GPSM1: variants seen among roughly 807,000 people sequenced by gnomAD.
The protein encoded by GPSM1 is G protein signaling modulator 1.
GPSM1 carries 48 observed loss-of-function variants against 70.5 expected under a neutral mutation model. The observed-to-expected ratio is 0.68, with a 90% CI of 0.54 to 0.87. The LOEUF (loss-of-function observed/expected upper bound fraction) is 0.87, where lower values mean the gene tolerates loss of function less well. Among genes scored for constraint, GPSM1 ranks in the 40% least tolerant of loss-of-function variants. The pLI is 0.00. For synonymous variants in GPSM1, 416 were observed against 430.1 expected, an observed-to-expected ratio of 0.97 and a Z score of 0.41; for missense variants, 981 against 972.6, an observed-to-expected ratio of 1.01 and a Z score of -0.11.
rs1554771619 is a variant in GPSM1, at chr9:136,348,711, A to C, written c.1222A>C (p.Arg408=). 1 of 1,611,826 alleles carries C rather than the reference A, an allele frequency of 6.2e-7. No individual in the cohort carries two copies. Among genetic ancestry groups the C allele is most frequent in the South Asian group, 1.1e-5 (1 of 90,920 alleles). Reference sequence around the variant, plus strand: ...TCTGTCTTCAGGGGCCAGACCCAAGAGGACGCAGAGGCTGAGCGCGGAGAC... The same window carrying C: ...TCTGTCTTCAGGGGCCAGACCCAAGCGGACGCAGAGGCTGAGCGCGGAGAC... ...GYEAQGARPK[R]TQRLSAETWD... is the part of the protein sequence containing the mutation. The change falls in exon 10 of 14, where the codon AGG becomes CGG. Residue 408 remains arginine, a synonymous_variant. Coordinates refer to ENST00000440944, the MANE Select transcript of GPSM1 (RefSeq NM_001145638.3).
Position 136,327,726 on chromosome 9 carries a change from G to A in GPSM1, c.31G>A (p.Glu11Lys). 1.7e-6 allele frequency: 2 copies of A among 1,185,822 alleles called. No homozygotes were observed. The highest frequency in any genetic ancestry group is 2.1e-6 in the Non-Finnish European group (2 of 959,776). The allele number at this position is 1,185,822 out of a possible 1,614,324, so 73.5% of individuals were successfully genotyped here. A position where few individuals can be genotyped will look rare whatever the true frequency, so the allele number is the denominator to read the frequency against. Residue 11 changes from glutamate (E) to lysine (K), a missense_variant, in exon 1 of 14, where the codon GAG (glutamate) becomes AAG (lysine). Glu to Lys is a moderately conservative substitution (Grantham distance 56). Transcript: ENST00000440944. The part of the protein sequence containing the change: MAGPAPPAAD[E>K]LPGPAARRLY... Reference sequence around the variant, plus strand: ...GGGCCCGGCCCCGCCCGCGGCCGACGAGCTCCCGGGCCCGGCCGCCAGGCG... The same window carrying A: ...GGGCCCGGCCCCGCCCGCGGCCGACAAGCTCCCGGGCCCGGCCGCCAGGCG...
In GPSM1 at chr9:136,337,546, C is replaced by T; in HGVS notation, c.684C>T (p.Ala228=). 6.4e-7 allele frequency: 1 copy of T among 1,557,628 alleles called. No individual in the cohort carries two copies. The highest frequency in any genetic ancestry group is 8.7e-7 in the Non-Finnish European group (1 of 1,150,774). The stretch of plus-strand genomic sequence containing the variant: ...ATTTGTTGGGGAACTTCACAGAGGC[C>T]ACGACCTTCCACAAGGAGGTGAGCC... ...THYLLGNFTE[A]TTFHKERLAI... is the part of the protein sequence containing the mutation. Residue 228 remains alanine, a synonymous_variant, in exon 5 of 14, where the codon GCC becomes GCT. Transcript: ENST00000440944.
intron 11 of GPSM1, among the ~76,000 whole-genome samples, chr9:136,354,003 TG>T (rs1221625153): frequency 1.3e-5 from 2 of 150,450 alleles, no homozygotes; most frequent in Non-Finnish European, 3.0e-5. Flanking sequence ...TCCGGGGGAG[TG>T]GGGGTGTTGC....
intron 6 of GPSM1, among the ~76,000 whole-genome samples, chr9:136,338,206 G>C (rs572052029): frequency 6.6e-6 from 1 of 152,244 alleles, no homozygotes; most frequent in East Asian, 1.9e-4. Context: ...ACAGAGCAGC[G>C]CCTGCCGGGT....
intron 13 of GPSM1, among the ~76,000 whole-genome samples, chr9:136,357,048 G>A (rs1358800054): frequency 3.3e-5 from 5 of 152,178 alleles, no homozygotes; most frequent in South Asian, 2.1e-4. Context: ...AGCCCCAGAG[G>A]GCAGAGCCAG....
In GPSM1 at chr9:136,340,843, C is replaced by T. The variant is rs1554770075; in HGVS notation, c.1084-27C>T. The T allele has an allele frequency of 6.5e-7, 1 of 1,544,092 alleles. No individual in the cohort carries two copies. The highest frequency in any genetic ancestry group is 8.7e-7 in the Non-Finnish European group (1 of 1,148,528). On this transcript the variant is annotated intron_variant, in intron 8 of 13. Coordinates refer to ENST00000440944, the MANE Select transcript of GPSM1 (RefSeq NM_001145638.3). The surrounding 1 kb of genome is among the most constrained non-coding windows in gnomAD (Gnocchi z 7.3). ...ACAGCAGGGCCCCCAGCCACACCTG[C>T]CCGCTCCGCCACCCCACTCGCCGCA...
rs1258431058 is a variant in GPSM1, at chr9:136,359,307, C to T, written c.*1087C>T. The T allele has an allele frequency of 6.6e-6, 1 of 152,214 alleles. No individual in the cohort carries two copies. Among genetic ancestry groups the T allele is most frequent in the Non-Finnish European group, 1.5e-5 (1 of 68,032 alleles). 9.4% of individuals were successfully genotyped at this position (152,214 alleles called of 1,614,324 possible). On this transcript the variant is annotated 3_prime_UTR_variant, in exon 14 of 14. Transcript: ENST00000440944. ...GGGCCCTACCATGGCCCCACAGCCC[C>T]CAGGGCTGGCAGTTCCATCTAGGAG...
intron 11 of GPSM1, 92 bp from the exon 12 acceptor site, chr9:136,355,598 A>G (rs1457013619): frequency 8.1e-7 from 1 of 1,235,836 alleles, no homozygotes; most frequent in East Asian, 2.4e-5. Context: ...CCAGGGTCTC[A>G]GAAGTGTGTG....
rs781964531 is a variant in GPSM1 at position 136,334,409 on chromosome 9, G to T, written c.69-38G>T. 64 of 1,550,692 alleles carry T rather than the reference G, an allele frequency of 4.1e-5. No homozygotes were observed. In the Middle Eastern group the frequency reaches 9.8e-4, roughly 24 times the overall value. ...GGTGCTCCGGCCCCGGGGCGACTTT[G>T]CCAGGGCTGGGCCATGACGCCAAGT... On this transcript the variant is annotated intron_variant, in intron 1 of 13. Coordinates refer to ENST00000440944, the MANE Select transcript of GPSM1 (RefSeq NM_001145638.3).
Position 136,356,570 on chromosome 9 carries a change from G to T in GPSM1, c.1821+20G>T. ...TACCAGGTGGGCTGCGGCCCTGGGC[G>T]GGCGTGGCTCGCGGCCCCTTTGCCA... On this transcript the variant is annotated intron_variant, in intron 13 of 13. Coordinates refer to ENST00000440944, the MANE Select transcript of GPSM1 (RefSeq NM_001145638.3). 6.3e-7 allele frequency: 1 copy of T among 1,579,052 alleles called. No homozygotes were observed. Among genetic ancestry groups the T allele is most frequent in the Non-Finnish European group, 8.7e-7 (1 of 1,154,290 alleles).
At chr9:136,339,906 G>A in intron 8 of GPSM1, 91 bp downstream of exon 8, 3 of 787,036 alleles carry the variant, frequency 3.8e-6, no homozygotes, top group Non-Finnish European at 6.4e-6. Flanking sequence ...GCGTGTGCGT[G>A]CCTGGGCCCC....
intron 13 of GPSM1, among the ~76,000 whole-genome samples, chr9:136,357,491 C>G (rs1364702701): frequency 6.6e-6 from 1 of 152,258 alleles, no homozygotes; most frequent in Non-Finnish European, 1.5e-5. Context: ...CCCTTGGCCC[C>G]CTGGCCTGCA....
intron 11 of GPSM1, among the ~76,000 whole-genome samples, chr9:136,353,393 C>G (rs1032970315): frequency 6.6e-6 from 1 of 152,136 alleles, no homozygotes; most frequent in African/African-American, 2.4e-5. Context: ...GGCGGAACCC[C>G]GAGTCCCACT....
intron 13 of GPSM1, among the ~76,000 whole-genome samples, chr9:136,357,302 C>T (rs1373202220): frequency 6.6e-6 from 1 of 152,184 alleles, no homozygotes; most frequent in African/African-American, 2.4e-5. Context: ...CAAGCCAGCA[C>T]GTTTCCAGGT....
intron 1 of GPSM1, among the ~76,000 whole-genome samples, chr9:136,331,543 G>A (rs1192818833): frequency 2.0e-5 from 3 of 152,216 alleles, no homozygotes; most frequent in African/African-American, 7.2e-5. Flanking sequence ...AGGCCTGGGG[G>A]AAGAGGTGCT....
chr9:136,329,972 A>G (rs575693735), intron 1 of GPSM1, among the ~76,000 whole-genome samples: 19 of 98,470 alleles, frequency 1.9e-4, no homozygotes, highest in South Asian at 3.9e-4. Flanking sequence ...GTTCTGGGTC[A>G]GTGGGGATGG....
At chr9:136,332,161 A>G in intron 1 of GPSM1, 1 of 399,346 alleles carries the variant, frequency 2.5e-6, no homozygotes, top group Non-Finnish European at 4.4e-6. Flanking sequence ...CGAAACCTGC[A>G]GAGGAAGAGG....
intron 6 of GPSM1, among the ~76,000 whole-genome samples, chr9:136,338,278 G>A (rs1393715562): frequency 6.6e-6 from 1 of 152,234 alleles, no homozygotes; most frequent in Non-Finnish European, 1.5e-5. Flanking sequence ...ATCTCAGCCT[G>A]AGCAGTGGGC....
intron 11 of GPSM1, chr9:136,354,942 G>T: frequency 9.7e-7 from 1 of 1,034,538 alleles, no homozygotes; most frequent in Non-Finnish European, 1.2e-6. Context: ...GGCTGGCCCA[G>T]GGCAGGTGAC....
Sources: gnomAD v4.1 joint callset for allele counts (sites outside exome capture counted in the v4.1 genomes callset) on GRCh38, gnomAD v4.1.1 for gene constraint, Gnocchi (gnomAD v3.1) non-coding constraint, MANE v1.5 for transcripts, NCBI Gene and HGNC (gene_info 2026-07-23, HGNC 2026-07-21) for gene names.